PIP4K2B: variants seen among roughly 807,000 people sequenced by gnomAD.
PIP4K2B encodes phosphatidylinositol-5-phosphate 4-kinase type 2 beta.
PIP4K2B carries 3 observed loss-of-function variants against 42.0 expected under a neutral mutation model. That is an observed-to-expected ratio of 0.07 (90% CI 0.03 to 0.18). PIP4K2B has a LOEUF of 0.18. Ranked by LOEUF, PIP4K2B falls within the 10% of genes least tolerant of loss-of-function variation. The probability of loss-of-function intolerance (pLI) is 1.00; values close to 1 mark genes in which losing one functional copy is unlikely to be tolerated. For synonymous variants in PIP4K2B, 204 were observed against 210.1 expected (o/e 0.97, Z 0.25); for missense variants, 332 against 562.3 (o/e 0.59, Z 4.14).
chr17:38,776,580 C>T (rs750001734), intron 7 of PIP4K2B: 17 of 415,644 alleles, frequency 4.1e-5, no homozygotes, highest in South Asian at 2.4e-4. Context: ...GAGCCGAGAT[C>T]GTGCCACTGC....
intron 4 of PIP4K2B, chr17:38,779,942 G>A: frequency 4.9e-6 from 1 of 204,308 alleles, no homozygotes; most frequent in Non-Finnish European, 1.0e-5. Context: ...TCTGGGAGAA[G>A]AGAACAGCTC....
At chr17:38,775,375 C>G (rs1013301848) in intron 7 of PIP4K2B, among the ~76,000 whole-genome samples, 4 of 152,174 alleles carry the variant, frequency 2.6e-5, no homozygotes, top group Admixed American at 6.5e-5. Context: ...ACCCAGCCTC[C>G]TGAATAGCTA....
At chr17:38,775,947 C>G (rs228293) in intron 7 of PIP4K2B, 404,745 of 442,272 alleles carry the variant, frequency 0.92, 185,494 homozygotes, top group East Asian at 1. Context: ...AGCAAAATAA[C>G]AGAGTCACAA....
intron 7 of PIP4K2B, among the ~76,000 whole-genome samples, chr17:38,776,776 G>A (rs1014359619): frequency 4.6e-5 from 7 of 152,148 alleles, no homozygotes; most frequent in Admixed American, 3.9e-4. Flanking sequence ...AGAAGGAGAC[G>A]CTGAGTTATC....
intron 7 of PIP4K2B, among the ~76,000 whole-genome samples, chr17:38,774,124 C>A (rs28648053): frequency 0.038 from 5,742 of 152,302 alleles, 371 homozygotes; most frequent in African/African-American, 0.13. Context: ...TGGAAGCAAC[C>A]TAAGTGTGAT....
At chr17:38,784,019 G>A (rs1024788689) in intron 3 of PIP4K2B, among the ~76,000 whole-genome samples, 68 of 152,216 alleles carry the variant, frequency 4.5e-4, no homozygotes, top group African/African-American at 1.6e-3. Context: ...CTCCCTCTGA[G>A]GGAGAGGAAC....
intron 5 of PIP4K2B, 121 bp from the exon 6 acceptor site, chr17:38,778,493 G>A (rs1355624247): frequency 1.2e-6 from 1 of 854,726 alleles, no homozygotes; most frequent in African/African-American, 1.7e-5. Flanking sequence ...GGGGCCAGGA[G>A]GCAGCACCTT....
intron 7 of PIP4K2B, chr17:38,776,525 C>CT (rs1278556720): frequency 8.2e-6 from 3 of 367,780 alleles, no homozygotes; most frequent in Non-Finnish European, 1.6e-5. Context: ...ACTTGGGAGG[C>CT]TGAGGTAGGA....
In PIP4K2B at chr17:38,799,377, G is replaced by A. The variant is rs759101679; in HGVS notation, c.48C>T (p.Leu16=). 3 of 1,607,170 alleles carry A rather than the reference G, an allele frequency of 1.9e-6. No homozygotes were observed. Among genetic ancestry groups the A allele is most frequent in the South Asian group, 1.1e-5 (1 of 90,656 alleles). The change falls in exon 1 of 10, where the codon CTC becomes CTT. Residue 16 remains leucine, a synonymous_variant. Coordinates refer to ENST00000619039, the MANE Select transcript of PIP4K2B (RefSeq NM_003559.5). This position sits in a 1 kb window ranked among gnomAD's most constrained non-coding sequence, Gnocchi z 4.4. ...TSTTAVAVAP[L]SASKTKTKKK... is the part of the protein sequence containing the mutation. ...TCTTGGTCTTGGTCTTGCTGGCGCT[G>A]AGCGGCGCCACCGCCACCGCCGTGG...
chr17:38,791,967 G>T (rs1159245389), intron 1 of PIP4K2B, among the ~76,000 whole-genome samples: 1 of 151,722 alleles, frequency 6.6e-6, no homozygotes, highest in Admixed American at 6.6e-5. Context: ...ATGATGGCGG[G>T]CACCTGTAGT....
chr17:38,788,780 A>T (rs957414141), intron 1 of PIP4K2B, among the ~76,000 whole-genome samples: 1 of 152,096 alleles, frequency 6.6e-6, no homozygotes, highest in Admixed American at 6.5e-5. Context: ...GTGAAACCCT[A>T]TCTCTACTAA....
rs768121542 is a variant in PIP4K2B at position 38,784,277 on chromosome 17, C to T, written c.320G>A (p.Arg107Gln). Residue 107 changes from arginine to glutamine, a missense_variant, in exon 3 of 10, where the codon CGG (arginine) becomes CAG (glutamine). Physicochemically the swap from Arg to Gln is conservative, Grantham distance 43. Transcript: ENST00000619039. The part of the protein sequence containing the change: ...EYCPMVFRNL[R>Q]ERFGIDDQDY... ...CTGATCATCAATTCCAAACCTCTCCCGAAGGTTTCGGAACACCATGGGGCA... is the reference window on the plus strand; with the variant it reads ...CTGATCATCAATTCCAAACCTCTCCTGAAGGTTTCGGAACACCATGGGGCA... 3 of 1,613,576 alleles carry T rather than the reference C, an allele frequency of 1.9e-6. No homozygotes were observed. The highest frequency in any genetic ancestry group is 2.5e-6 in the Non-Finnish European group (3 of 1,179,516).
chr17:38,770,421 A>G lies in PIP4K2B; in HGVS notation c.1170+15T>C, dbSNP rs201398636. 1.6e-5 allele frequency: 24 copies of G among 1,544,644 alleles called. No homozygotes were observed. The highest frequency in any genetic ancestry group is 2.1e-5 in the Non-Finnish European group (23 of 1,118,712). ...CGACCCAGCTGGGCCCTGGATGAAG[A>G]TGGAGAGGACTCACCCCGTGTTTCA... is the stretch of plus-strand genomic sequence containing the variant. On this transcript the variant is annotated intron_variant, in intron 9 of 9. Coordinates refer to ENST00000619039, the MANE Select transcript of PIP4K2B (RefSeq NM_003559.5).
chr17:38,784,208 C>T, intron 3 of PIP4K2B, 35 bp downstream of exon 3: 1 of 1,286,596 alleles, frequency 7.8e-7, no homozygotes, highest in Non-Finnish European at 1.1e-6. Flanking sequence ...CCATTCCATT[C>T]CCTAATCCAC....
chr17:38,794,633 GAGCT>G (rs1910537262), intron 1 of PIP4K2B, among the ~76,000 whole-genome samples: 1 of 46,904 alleles, frequency 2.1e-5, no homozygotes, highest in Non-Finnish European at 4.4e-5. Flanking sequence ...AAAAAAAAAA[GAGCT>G]AGAACTATAA....
chr17:38,797,037 C>T (rs555795853), intron 1 of PIP4K2B, among the ~76,000 whole-genome samples: 19 of 152,276 alleles, frequency 1.2e-4, no homozygotes, highest in African/African-American at 4.3e-4. Flanking sequence ...ATAAAACTTA[C>T]GACTAACTGG....
At chr17:38,775,023 C>T (rs1909256909) in intron 7 of PIP4K2B, among the ~76,000 whole-genome samples, 1 of 151,828 alleles carries the variant, frequency 6.6e-6, no homozygotes, top group East Asian at 2.0e-4. Flanking sequence ...GATCTCGGCT[C>T]CCTGCAAGCT....
intron 1 of PIP4K2B, among the ~76,000 whole-genome samples, chr17:38,789,288 C>T (rs1910215273): frequency 6.6e-6 from 1 of 152,230 alleles, no homozygotes; most frequent in Non-Finnish European, 1.5e-5. Flanking sequence ...TCCATTGGTG[C>T]AGAGATGAGG....
chr17:38,776,883 G>C (rs536604865), intron 7 of PIP4K2B, among the ~76,000 whole-genome samples: 29 of 152,146 alleles, frequency 1.9e-4, no homozygotes, highest in African/African-American at 2.9e-4. Flanking sequence ...GCCAGAGCCA[G>C]AGAAGAACCT....
Sources: gnomAD v4.1 joint callset for allele counts (sites outside exome capture counted in the v4.1 genomes callset) on GRCh38, gnomAD v4.1.1 for gene constraint, Gnocchi (gnomAD v3.1) non-coding constraint, MANE v1.5 for transcripts, NCBI Gene and HGNC (gene_info 2026-07-23, HGNC 2026-07-21) for gene names.